The following RASGEF1C variants were observed in gnomAD, a reference collection of about 807,000 sequenced individuals.
The protein encoded by RASGEF1C is RasGEF domain family member 1C.
A neutral mutation model predicts 58.1 loss-of-function variants in RASGEF1C; 27 were observed. The ratio of observed to expected loss-of-function variants is 0.46; its 90% CI spans 0.34 to 0.64. The LOEUF (loss-of-function observed/expected upper bound fraction) is 0.64, where lower values mean the gene tolerates loss of function less well. Ranked by LOEUF, RASGEF1C falls within the 30% of genes least tolerant of loss-of-function variation. The pLI, the probability that RASGEF1C is intolerant of heterozygous loss-of-function variation, is 0.01. For missense variants in RASGEF1C, 502 were observed against 605.1 expected (o/e 0.83, Z 1.79); for synonymous variants, 243 against 246.3 (o/e 0.99, Z 0.13).
intron 1 of RASGEF1C, among the ~76,000 whole-genome samples, chr5:180,154,279 C>G (rs1009278376): frequency 6.6e-6 from 1 of 152,126 alleles, no homozygotes; most frequent in Non-Finnish European, 1.5e-5. Flanking sequence ...GGAACAGGGA[C>G]AGTCCCTGTC....
At chr5:180,206,482 G>A (rs1415283836) in intron 1 of RASGEF1C, among the ~76,000 whole-genome samples, 1 of 152,182 alleles carries the variant, frequency 6.6e-6, no homozygotes, top group Non-Finnish European at 1.5e-5. Flanking sequence ...AAGACACTGT[G>A]ATACATCGGT....
At chr5:180,204,907 A>G (rs550244289) in intron 1 of RASGEF1C, among the ~76,000 whole-genome samples, 2 of 152,286 alleles carry the variant, frequency 1.3e-5, no homozygotes, top group Non-Finnish European at 2.9e-5. Context: ...GACTAACAAC[A>G]GGCCGGTAAT....
intron 1 of RASGEF1C, among the ~76,000 whole-genome samples, chr5:180,188,742 T>G (rs1179586274): frequency 6.6e-6 from 1 of 152,218 alleles, no homozygotes; most frequent in Non-Finnish European, 1.5e-5. Context: ...GTATATGGCA[T>G]GATGCTGAGG....
At chr5:180,195,780 A>G (rs1756264090) in intron 1 of RASGEF1C, among the ~76,000 whole-genome samples, 1 of 151,952 alleles carries the variant, frequency 6.6e-6, no homozygotes, top group East Asian at 1.9e-4. Context: ...AAAGAAAAAA[A>G]AAAAAAGAAA....
chr5:180,199,459 C>G (rs1259280123), intron 1 of RASGEF1C, among the ~76,000 whole-genome samples: 5 of 152,160 alleles, frequency 3.3e-5, no homozygotes, highest in Non-Finnish European at 7.3e-5. Flanking sequence ...GACCAAATGA[C>G]CCGGGGAGAT....
chr5:180,134,798 TGTCA>T, intron 4 of RASGEF1C, among the ~76,000 whole-genome samples: 1 of 26,834 alleles, frequency 3.7e-5, no homozygotes, highest in Admixed American at 3.5e-4. Flanking sequence ...CCAACAGAAC[TGTCA>T]ATTCACGCAT....
At position 180,177,803 on chromosome 5, in the gene RASGEF1C, C is replaced by T. The variant is rs2113319432; in HGVS notation, c.-7+31225G>A. Among the ~76,000 whole-genome samples, 1 of 152,272 alleles carries T rather than the reference C, an allele frequency of 6.6e-6. No individual in the cohort carries two copies. The highest frequency in any genetic ancestry group is 2.4e-5 in the African/African-American group (1 of 41,558). The stretch of plus-strand genomic sequence containing the variant: ...GGGACATTTATTTGAACTGTCTGAG[C>T]AGAGCCTCTCTCTCTGCTCAGGGCA... On this transcript the variant is annotated intron_variant, in intron 1 of 13. Transcript: ENST00000361132. This position sits in a 1 kb window ranked among gnomAD's most constrained non-coding sequence, Gnocchi z 5.0.
chr5:180,181,374 A>C (rs1474670037), intron 1 of RASGEF1C, among the ~76,000 whole-genome samples: 1 of 152,240 alleles, frequency 6.6e-6, no homozygotes, highest in African/African-American at 2.4e-5. Context: ...TCCCTCCTAA[A>C]CAGATGACTG....
intron 4 of RASGEF1C, among the ~76,000 whole-genome samples, chr5:180,134,272 G>A (rs1010364611): frequency 1.3e-5 from 2 of 151,998 alleles, no homozygotes; most frequent in African/African-American, 4.8e-5. Flanking sequence ...CCGGGGCCTA[G>A]GTTGGGACTG....
Position 180,137,590 on chromosome 5 carries a change from C to T in RASGEF1C, c.300G>A (p.Lys100=), listed in dbSNP as rs767855631. 2.5e-6 allele frequency: 4 copies of T among 1,611,150 alleles called. No individual in the cohort carries two copies. In the Admixed American group the frequency reaches 5.0e-5, roughly 20 times the overall value. The change falls in exon 3 of 14, where the codon AAG becomes AAA. Residue 100 remains lysine (K), a splice_region_variant and synonymous_variant. Coordinates refer to ENST00000361132, the MANE Select transcript of RASGEF1C (RefSeq NM_175062.4). The surrounding 1 kb of genome is among the most constrained non-coding windows in gnomAD (Gnocchi z 4.1). Reference sequence around the variant, plus strand: ...CCCCCTGGCCTGCCCTCCGCCTCACCTTGTCCAGCACCGGCTTGTCCAGCT... The same window carrying T: ...CCCCCTGGCCTGCCCTCCGCCTCACTTTGTCCAGCACCGGCTTGTCCAGCT... ...QQQLDKPVLD[K]ARVRKFGPKL...
At chr5:180,119,012 T>A (rs899418901) in intron 8 of RASGEF1C, 146 bp from the exon 9 acceptor site, 7 of 729,344 alleles carry the variant, frequency 9.6e-6, no homozygotes, top group Admixed American at 6.7e-5. Context: ...GGGGTGCTGG[T>A]GGACATCATG....
intron 10 of RASGEF1C, 78 bp from the exon 11 acceptor site, chr5:180,114,619 G>T: frequency 7.3e-7 from 1 of 1,370,510 alleles, no homozygotes; most frequent in Non-Finnish European, 1.0e-6. Context: ...AGCCTTGCCA[G>T]CAGATAGCTG....
chr5:180,205,170 C>A (rs1756466780), intron 1 of RASGEF1C, among the ~76,000 whole-genome samples: 1 of 151,836 alleles, frequency 6.6e-6, no homozygotes, highest in African/African-American at 2.4e-5. Context: ...GCCTGGGTGA[C>A]AGAGCGAGAC....
intron 1 of RASGEF1C, among the ~76,000 whole-genome samples, chr5:180,204,226 C>T (rs895967536): frequency 1.8e-4 from 27 of 152,180 alleles, no homozygotes; most frequent in Admixed American, 3.3e-4. Context: ...CCATTATAAG[C>T]AATGCTGTTA....
At chr5:180,116,697 A>G (rs1766073761) in intron 10 of RASGEF1C, among the ~76,000 whole-genome samples, 1 of 152,240 alleles carries the variant, frequency 6.6e-6, no homozygotes, top group Non-Finnish European at 1.5e-5. Context: ...GCGGAGATGA[A>G]GGAAGTAGTG....
rs1236240858 is a variant in RASGEF1C at position 180,101,120 on chromosome 5, CTG to C, written c.*379_*380del. 4.2e-6 allele frequency: 1 copy of C among 237,962 alleles called. No homozygotes were observed. Among genetic ancestry groups the C allele is most frequent in the African/African-American group, 2.2e-5 (1 of 44,690 alleles). The allele number at this position is 237,962 out of a possible 1,614,324, so 14.7% of individuals were successfully genotyped here. ...AGTTCCCAAGCCACGTGGTGACAGA[CTG>C]TGGGTGGTGGCCAAAGTGGCACATG... On this transcript the variant is annotated 3_prime_UTR_variant, in exon 14 of 14. Transcript: ENST00000361132.
At chr5:180,118,299 T>A (rs4455520) in intron 10 of RASGEF1C, among the ~76,000 whole-genome samples, 2 of 151,746 alleles carry the variant, frequency 1.3e-5, no homozygotes, top group African/African-American at 4.8e-5. Flanking sequence ...GGAGAGGCCA[T>A]GGGGGCTCTG....
intron 6 of RASGEF1C, among the ~76,000 whole-genome samples, chr5:180,123,173 T>A (rs1180352123): frequency 6.6e-6 from 1 of 152,222 alleles, no homozygotes; most frequent in Non-Finnish European, 1.5e-5. Flanking sequence ...ATCAGGGATA[T>A]GTCACAAGTC....
chr5:180,185,225 G>T, intron 1 of RASGEF1C, among the ~76,000 whole-genome samples: 1 of 151,130 alleles, frequency 6.6e-6, no homozygotes. Context: ...CCGGGAGGCA[G>T]AGCTTGCAGT....
Sources: gnomAD v4.1 joint callset for allele counts (sites outside exome capture counted in the v4.1 genomes callset) on GRCh38, gnomAD v4.1.1 for gene constraint, Gnocchi (gnomAD v3.1) non-coding constraint, MANE v1.5 for transcripts, NCBI Gene and HGNC (gene_info 2026-07-23, HGNC 2026-07-21) for gene names.